DLC1: variants seen among roughly 807,000 people sequenced by gnomAD.
The protein encoded by DLC1 is rho GTPase-activating protein 7.
In DLC1, 54 loss-of-function variants were observed where a neutral mutation model predicts 140.3. The ratio of observed to expected loss-of-function variants is 0.38; its 90% CI spans 0.31 to 0.48. DLC1 has a LOEUF of 0.48. Ranked by LOEUF, DLC1 falls within the 20% of genes least tolerant of loss-of-function variation. The pLI, the probability that DLC1 is intolerant of heterozygous loss-of-function variation, is 0.96. For missense variants in DLC1, 2,536 were observed against 1,907.0 expected, an observed-to-expected ratio of 1.33 and a Z score of -6.14; for synonymous variants, 986 against 728.1, an observed-to-expected ratio of 1.35 and a Z score of -5.70.
intron 1 of DLC1, among the ~76,000 whole-genome samples, chr8:13,544,597 T>C (rs1803594695): frequency 6.6e-6 from 1 of 152,146 alleles, no homozygotes; most frequent in Admixed American, 6.6e-5. Context: ...TTACATACTG[T>C]TGTGCATGAT....
chr8:13,600,941 G>T (rs759201382), intron 1 of DLC1, among the ~76,000 whole-genome samples: 8 of 151,696 alleles, frequency 5.3e-5, no homozygotes, highest in African/African-American at 7.3e-5. Flanking sequence ...CAAATCATGA[G>T]TATTTTCCCA....
At chr8:13,483,320 G>T (rs1184942893) in intron 2 of DLC1, among the ~76,000 whole-genome samples, 1 of 152,170 alleles carries the variant, frequency 6.6e-6, no homozygotes, top group Non-Finnish European at 1.5e-5. Context: ...GATCATATTT[G>T]CAGGTTCCAG....
At chr8:13,158,733 T>TCCCCCCCCCC (rs71207127) in intron 5 of DLC1, among the ~76,000 whole-genome samples, 1 of 58,984 alleles carries the variant, frequency 1.7e-5, no homozygotes, top group Non-Finnish European at 3.3e-5. Context: ...ACCACCACCC[T>TCCCCCCCCCC]CCCCCCCCCC....
chr8:13,402,842 G>A (rs913356654), intron 2 of DLC1, among the ~76,000 whole-genome samples: 2 of 152,140 alleles, frequency 1.3e-5, no homozygotes, highest in African/African-American at 2.4e-5. Flanking sequence ...CACCCCCAAA[G>A]AACAGGGTCT....
At chr8:13,479,983 T>G (rs1458592424) in intron 2 of DLC1, among the ~76,000 whole-genome samples, 1 of 149,096 alleles carries the variant, frequency 6.7e-6, no homozygotes, top group Non-Finnish European at 1.5e-5. Flanking sequence ...TGAGGATCAC[T>G]TGGGCCCAGG....
chr8:13,427,403 C>T (rs745755196), intron 2 of DLC1, among the ~76,000 whole-genome samples: 8 of 152,180 alleles, frequency 5.3e-5, no homozygotes, highest in Non-Finnish European at 1.0e-4. Context: ...CTTTCCTTGA[C>T]CCTGCATCAT....
chr8:13,600,087 A>C (rs1027056632), intron 1 of DLC1, among the ~76,000 whole-genome samples: 5 of 151,918 alleles, frequency 3.3e-5, no homozygotes, highest in Admixed American at 6.6e-5. Flanking sequence ...TGTCATTAGA[A>C]AGCAATAGGA....
intron 2 of DLC1, among the ~76,000 whole-genome samples, chr8:13,463,518 G>C (rs1465593890): frequency 6.6e-6 from 1 of 152,118 alleles, no homozygotes; most frequent in African/African-American, 2.4e-5. Flanking sequence ...ATGGATGTTT[G>C]TTCATGAAAA....
At chr8:13,398,665 T>C (rs1280321193) in intron 3 of DLC1, among the ~76,000 whole-genome samples, 1 of 149,650 alleles carries the variant, frequency 6.7e-6, no homozygotes. Flanking sequence ...GTCCCAACTA[T>C]ACTTGCTAAA....
intron 5 of DLC1, among the ~76,000 whole-genome samples, chr8:13,127,846 G>A (rs992371739): frequency 6.6e-6 from 1 of 152,222 alleles, no homozygotes; most frequent in African/African-American, 2.4e-5. Context: ...CTCAAAGGTG[G>A]GGCAGGGCAG....
At chr8:13,584,644 T>G (rs1163715442) in intron 1 of DLC1, 2 of 152,114 alleles carry the variant, frequency 1.3e-5, no homozygotes, top group African/African-American at 4.8e-5. Flanking sequence ...GGTGCAAGAT[T>G]CCTGATGAGA....
At chr8:13,087,498 T>C (rs1817661321) in intron 16 of DLC1, among the ~76,000 whole-genome samples, 1 of 152,214 alleles carries the variant, frequency 6.6e-6, no homozygotes, top group African/African-American at 2.4e-5. Flanking sequence ...ATCTGTTCAT[T>C]ATAATTGCCT....
At chr8:13,497,914 T>A (rs959956738) in intron 2 of DLC1, among the ~76,000 whole-genome samples, 3 of 152,212 alleles carry the variant, frequency 2.0e-5, no homozygotes, top group Non-Finnish European at 2.9e-5. Flanking sequence ...TTTGACTTCA[T>A]TTAAACTAAC....
At chr8:13,446,198 C>T (rs1441230288) in intron 2 of DLC1, among the ~76,000 whole-genome samples, 1 of 152,146 alleles carries the variant, frequency 6.6e-6, no homozygotes, top group African/African-American at 2.4e-5. Context: ...TTTGACTTTG[C>T]TCATCAGGCT....
intron 5 of DLC1, among the ~76,000 whole-genome samples, chr8:13,301,084 A>T (rs1468923493): frequency 6.6e-6 from 1 of 152,160 alleles, no homozygotes; most frequent in Admixed American, 6.5e-5. Context: ...ATAGGATCTG[A>T]TGACCTCAGG....
chr8:13,241,036 G>C (rs1829524228), intron 5 of DLC1, among the ~76,000 whole-genome samples: 1 of 152,184 alleles, frequency 6.6e-6, no homozygotes, highest in South Asian at 2.1e-4. Flanking sequence ...AAGGGAGACA[G>C]CCAGGGAGAA....
intron 5 of DLC1, among the ~76,000 whole-genome samples, chr8:13,168,571 G>A (rs943478329): frequency 2.6e-5 from 4 of 152,200 alleles, no homozygotes; most frequent in African/African-American, 7.2e-5. Context: ...TCAGGAAAGG[G>A]AGTGGAAAGG....
At chr8:13,475,424 C>G (rs1800393460) in intron 2 of DLC1, among the ~76,000 whole-genome samples, 1 of 152,132 alleles carries the variant, frequency 6.6e-6, no homozygotes. Flanking sequence ...TATTGGGTTT[C>G]TGGCTAAGCA....
At chr8:13,309,056 A>G (rs1007613755) in intron 4 of DLC1, among the ~76,000 whole-genome samples, 2 of 152,202 alleles carry the variant, frequency 1.3e-5, no homozygotes, top group African/African-American at 4.8e-5. Context: ...AACATGTATA[A>G]TTGATGCTTA....
Sources: gnomAD v4.1 joint callset for allele counts (sites outside exome capture counted in the v4.1 genomes callset) on GRCh38, gnomAD v4.1.1 for gene constraint, MANE v1.5 for transcripts, NCBI Gene and HGNC (gene_info 2026-07-23, HGNC 2026-07-21) for gene names.